Variants in SRL observed in about 807,000 individuals in gnomAD.
SRL encodes the protein sarcalumenin.
In SRL, 23 loss-of-function variants were observed where a neutral mutation model predicts 39.5. That is an observed-to-expected ratio of 0.58 (90% CI 0.42 to 0.82). The LOEUF is 0.82. Ranked by LOEUF, SRL falls within the 40% of genes least tolerant of loss-of-function variation. The probability of loss-of-function intolerance (pLI) is 0.00; values close to 1 mark genes in which losing one functional copy is unlikely to be tolerated. For missense variants in SRL, 592 were observed against 607.8 expected (o/e 0.97, Z 0.27); for synonymous variants, 272 against 237.4 (o/e 1.15, Z -1.34).
Position 4,197,921 on chromosome 16 carries a change from G to T in SRL, c.260-6C>A, listed in dbSNP as rs549665191. Reference sequence around the variant, plus strand: ...CTTGGAGGTAATCTCTCCATCTGTGGGCAACAGGAAGTAGAAATGGAATAA... The same window carrying T: ...CTTGGAGGTAATCTCTCCATCTGTGTGCAACAGGAAGTAGAAATGGAATAA... On this transcript the variant is annotated splice_region_variant and splice_polypyrimidine_tract_variant and intron_variant, in intron 3 of 5. Transcript: ENST00000399609. 14 of 1,584,392 alleles carry T rather than the reference G, an allele frequency of 8.8e-6. No homozygotes were observed. In the South Asian group the frequency reaches 9.9e-5, roughly 11 times the overall value.
chr16:4,205,827 A>G (rs2141035240), intron 1 of SRL, among the ~76,000 whole-genome samples: 1 of 151,952 alleles, frequency 6.6e-6, no homozygotes, highest in South Asian at 2.1e-4. Context: ...AGTCCCAGCT[A>G]CTCAGGAGGC....
chr16:4,207,932 G>A (rs1004751670), intron 1 of SRL: 7 of 456,634 alleles, frequency 1.5e-5, no homozygotes, highest in Non-Finnish European at 2.6e-5. Context: ...TCTTCTTGGG[G>A]CTCTCGGCCT....
At position 4,207,184 on chromosome 16, in the gene SRL, C is replaced by T. The variant is rs768335321; in HGVS notation, c.62-2550G>A. 5.5e-5 allele frequency: 25 copies of T among 456,908 alleles called. 1 individual carries two copies. Among genetic ancestry groups the T allele is most frequent in the African/African-American group, 1.2e-4 (6 of 50,090 alleles). The allele number at this position is 456,908 out of a possible 1,614,324, so 28.3% of individuals were successfully genotyped here. A position where few individuals can be genotyped will look rare whatever the true frequency, so the allele number is the denominator to read the frequency against. On this transcript the variant is annotated intron_variant, in intron 1 of 5. Coordinates refer to ENST00000399609, the MANE Select transcript of SRL (RefSeq NM_001098814.2). ...CCGCTGTCCTCTTCGGACTCCTCTTCGGAGGGAACTCCTCCTTCTTCCTCG... is the reference window on the plus strand; with the variant it reads ...CCGCTGTCCTCTTCGGACTCCTCTTTGGAGGGAACTCCTCCTTCTTCCTCG...
At chr16:4,205,351 G>A (rs2052305125) in intron 1 of SRL, among the ~76,000 whole-genome samples, 1 of 152,124 alleles carries the variant, frequency 6.6e-6, no homozygotes, top group Non-Finnish European at 1.5e-5. Flanking sequence ...GAGGCTTTAG[G>A]GCTAGGTAGG....
At chr16:4,204,194 T>C (rs1046569232) in intron 2 of SRL, among the ~76,000 whole-genome samples, 3 of 152,198 alleles carry the variant, frequency 2.0e-5, no homozygotes, top group Non-Finnish European at 4.4e-5. Context: ...GAAACGGCTT[T>C]ATAAACTAAA....
In SRL at chr16:4,212,827, G is replaced by A. The variant is rs1006205057; in HGVS notation, c.62-8193C>T. On this transcript the variant is annotated intron_variant, in intron 1 of 5. Coordinates refer to ENST00000399609, the MANE Select transcript of SRL (RefSeq NM_001098814.2). ...TCTCGGGGGGCCAGCTTTCCAGCAGGTCCCACCAGCCCCACAGCCTCAGGG... is the reference window on the plus strand; with the variant it reads ...TCTCGGGGGGCCAGCTTTCCAGCAGATCCCACCAGCCCCACAGCCTCAGGG... Among the ~76,000 whole-genome samples, 3 of 151,576 alleles carry A rather than the reference G, an allele frequency of 2.0e-5. No homozygotes were observed. In the South Asian group the frequency reaches 6.3e-4, roughly 32 times the overall value.
At chr16:4,198,190 C>G (rs1031585107) in intron 3 of SRL, among the ~76,000 whole-genome samples, 1 of 152,242 alleles carries the variant, frequency 6.6e-6, no homozygotes, top group Admixed American at 6.5e-5. Context: ...AACCCTGACT[C>G]CGAACTCACT....
At chr16:4,200,187 G>A (rs925090537) in intron 3 of SRL, among the ~76,000 whole-genome samples, 2 of 152,190 alleles carry the variant, frequency 1.3e-5, no homozygotes, top group Admixed American at 6.5e-5. Flanking sequence ...TGAATACACA[G>A]GAGACACTCA....
intron 1 of SRL, among the ~76,000 whole-genome samples, chr16:4,232,782 G>A (rs1001014750): frequency 3.9e-5 from 6 of 152,228 alleles, no homozygotes; most frequent in African/African-American, 1.4e-4. Context: ...AAAGTGCTGG[G>A]ATTGCAGGCA....
At chr16:4,199,693 C>CTTTTTTTTTTTTTTT (rs35631556) in intron 3 of SRL, among the ~76,000 whole-genome samples, 1 of 96,424 alleles carries the variant, frequency 1.0e-5, no homozygotes, top group African/African-American at 4.0e-5. Context: ...TTTTCTTTTC[C>CTTTTTTTTTTTTTTT]TTTTTTTTTT....
At chr16:4,207,259 C>T (rs1251936580) in intron 1 of SRL, 1 of 456,948 alleles carries the variant, frequency 2.2e-6, no homozygotes, top group Non-Finnish European at 4.4e-6. Flanking sequence ...TCATCTGCGT[C>T]CTCCTCAGTC....
chr16:4,212,633 G>GC (rs928410462), intron 1 of SRL, among the ~76,000 whole-genome samples: 55 of 152,164 alleles, frequency 3.6e-4, no homozygotes, highest in African/African-American at 1.3e-3. Flanking sequence ...TGCCAGGGTG[G>GC]CCCCCCCGAC....
In SRL at chr16:4,225,878, T is replaced by C. The variant is rs2052582421; in HGVS notation, c.61+16129A>G. On this transcript the variant is annotated intron_variant, in intron 1 of 5. Coordinates refer to ENST00000399609, the MANE Select transcript of SRL (RefSeq NM_001098814.2). ...AAGAGGCCAACATCCTACGGTGACC[T>C]GGAGGCCCACACCCTCTAGCCCTGC... Among the ~76,000 whole-genome samples the C allele has an allele frequency of 2.0e-5, 3 of 152,060 alleles. No homozygotes were observed. The South Asian group carries it at 6.2e-4, about 32-fold the overall frequency.
rs144102167 is a variant in SRL at position 4,204,767 on chromosome 16, G to C, written c.62-133C>G. 312 of 690,834 alleles carry C rather than the reference G, an allele frequency of 4.5e-4. 1 individual carries two copies. In the African/African-American group the frequency reaches 4.9e-3, roughly 11 times the overall value. 42.8% of individuals were successfully genotyped at this position (690,834 alleles called of 1,614,324 possible). On this transcript the variant is annotated intron_variant, in intron 1 of 5. Coordinates refer to ENST00000399609, the MANE Select transcript of SRL (RefSeq NM_001098814.2). ...GTCTTGCCAAGTTACACTGGACTGA[G>C]CTCTGCCTTTAGGAAGGAATTTGAT...
At chr16:4,204,660 T>C (rs377745108) in intron 1 of SRL, 26 bp from the exon 2 acceptor site, 1 of 1,606,332 alleles carries the variant, frequency 6.2e-7, no homozygotes, top group Non-Finnish European at 8.5e-7. Context: ...GACAGCCAAG[T>C]GAGAGCAAAG....
chr16:4,221,958 C>T (rs115690796), intron 1 of SRL, among the ~76,000 whole-genome samples: 1,922 of 152,328 alleles, frequency 0.013, 43 homozygotes, highest in African/African-American at 0.043. Flanking sequence ...TGGCCAGCCC[C>T]ACTCCAGCAT....
At chr16:4,227,130 G>C (rs371306803) in intron 1 of SRL, among the ~76,000 whole-genome samples, 1 of 151,364 alleles carries the variant, frequency 6.6e-6, no homozygotes, top group African/African-American at 2.4e-5. Flanking sequence ...TGAATGGAAG[G>C]ATGGATGAAA....
chr16:4,199,873 T>A (rs1046229924), intron 3 of SRL, among the ~76,000 whole-genome samples: 1 of 151,646 alleles, frequency 6.6e-6, no homozygotes, highest in African/African-American at 2.4e-5. Context: ...ATTTTTGTAT[T>A]TTTAGTAGAG....
chr16:4,197,872 C>T lies in SRL; in HGVS notation c.303G>A (p.Pro101=), dbSNP rs368659942. The change falls in exon 4 of 6, where the codon CCG becomes CCA. Residue 101 remains proline (P), a synonymous_variant. Transcript: ENST00000399609. ...TSKPMVLFLG[P]WSVGKSTMIN... ...TCATGGTAGATTTACCAACACTCCA[C>T]GGTCCCAGGAACAGTACCATGGGCT... 140 of 1,613,978 alleles carry T rather than the reference C, an allele frequency of 8.7e-5. No individual in the cohort carries two copies. Among genetic ancestry groups the T allele is most frequent in the South Asian group, 1.6e-4 (15 of 91,086 alleles).
Sources: allele counts gnomAD v4.1 joint callset (sites outside exome capture counted in the v4.1 genomes callset), GRCh38; gene constraint gnomAD v4.1.1; transcripts MANE v1.5; gene names NCBI Gene and HGNC (gene_info 2026-07-23, HGNC 2026-07-21).